TMEM132B: variants seen among roughly 807,000 people sequenced by gnomAD.
TMEM132B encodes transmembrane protein 132B.
Under a neutral mutation model 90.8 loss-of-function variants are expected in TMEM132B, and 18 were observed. The observed-to-expected ratio is 0.20, with a 90% CI of 0.14 to 0.29. The LOEUF (loss-of-function observed/expected upper bound fraction) is 0.29. Ranked by LOEUF, TMEM132B falls within the 10% of genes least tolerant of loss-of-function variation. The probability of loss-of-function intolerance (pLI) is 1.00; values close to 1 mark genes in which losing one functional copy is unlikely to be tolerated. For synonymous variants in TMEM132B, 504 were observed against 523.3 expected (o/e 0.96, Z 0.50); for missense variants, 1,096 against 1,326.8 (o/e 0.83, Z 2.70).
chr12:125,536,024 T>C (rs1883786765), intron 4 of TMEM132B, among the ~76,000 whole-genome samples: 1 of 152,184 alleles, frequency 6.6e-6, no homozygotes, highest in Non-Finnish European at 1.5e-5. Flanking sequence ...CAAGCCAGGA[T>C]TGCTTCTGCA....
intron 5 of TMEM132B, among the ~76,000 whole-genome samples, chr12:125,629,147 C>T (rs760243683): frequency 6.6e-6 from 1 of 151,798 alleles, no homozygotes; most frequent in Non-Finnish European, 1.5e-5. Context: ...TTTGTGGTTC[C>T]ATAGAAATTC....
chr12:125,502,572 G>A (rs1882729093), intron 3 of TMEM132B, among the ~76,000 whole-genome samples: 1 of 152,256 alleles, frequency 6.6e-6, no homozygotes, highest in Non-Finnish European at 1.5e-5. Context: ...AAGTGGAGCA[G>A]ATGTGCAGTA....
chr12:125,210,702 G>A (rs563289523), intron 1 of TMEM132B, among the ~76,000 whole-genome samples: 1 of 152,310 alleles, frequency 6.6e-6, no homozygotes, highest in Non-Finnish European at 1.5e-5. Flanking sequence ...GGTGGCTCAT[G>A]CCTGTAATTC....
At position 125,459,358 on chromosome 12, in the gene TMEM132B, C is replaced by T. The variant is rs896977130; in HGVS notation, c.1106+43681C>T. On this transcript the variant is annotated intron_variant, in intron 3 of 8. Transcript: ENST00000682704. The surrounding 1 kb of genome is among the most constrained non-coding windows in gnomAD (Gnocchi z 4.1). ...GTCTAGGGTCTTGCTGACGAGGGCACGTTTTCTAAAACTACCGAGAGAACT... is the reference window on the plus strand; with the variant it reads ...GTCTAGGGTCTTGCTGACGAGGGCATGTTTTCTAAAACTACCGAGAGAACT... 1.3e-5 allele frequency among the ~76,000 whole-genome samples: 2 copies of T among 152,070 alleles called. No individual in the cohort carries two copies. The highest frequency in any genetic ancestry group is 2.4e-5 in the African/African-American group (1 of 41,408).
chr12:125,306,305 C>T (rs1875968848), intron 1 of TMEM132B, among the ~76,000 whole-genome samples: 1 of 152,202 alleles, frequency 6.6e-6, no homozygotes, highest in South Asian at 2.1e-4. Flanking sequence ...GCTCTTGGAG[C>T]CTCAGGTTTT....
At chr12:125,530,842 C>T (rs1304977191) in intron 4 of TMEM132B, among the ~76,000 whole-genome samples, 2 of 152,184 alleles carry the variant, frequency 1.3e-5, no homozygotes, top group African/African-American at 2.4e-5. Context: ...TAATGATGTG[C>T]AAAAATTCTA....
chr12:125,380,093 A>G (rs1403080879), intron 2 of TMEM132B, among the ~76,000 whole-genome samples: 3 of 152,194 alleles, frequency 2.0e-5, no homozygotes, highest in Non-Finnish European at 4.4e-5. Flanking sequence ...GATGGCTTAA[A>G]ATCATAGGGC....
intron 3 of TMEM132B, among the ~76,000 whole-genome samples, chr12:125,475,801 C>A (rs1881860419): frequency 6.6e-6 from 1 of 152,206 alleles, no homozygotes; most frequent in African/African-American, 2.4e-5. Context: ...CTGACTAATA[C>A]AAGGCCAATT....
intron 3 of TMEM132B, among the ~76,000 whole-genome samples, chr12:125,420,306 T>G (rs1250438463): frequency 2.0e-5 from 3 of 152,244 alleles, no homozygotes. Context: ...CATCCAGGCA[T>G]TTCCATACAT....
At chr12:125,469,649 C>T (rs7315355) in intron 3 of TMEM132B, among the ~76,000 whole-genome samples, 18,243 of 152,160 alleles carry the variant, frequency 0.12, 1,175 homozygotes, top group African/African-American at 0.17. Context: ...GTTTCCAGCC[C>T]GGTGTCTTCT....
Position 125,207,737 on chromosome 12 carries a change from G to A in TMEM132B, c.67+20871G>A, listed in dbSNP as rs144319403. On this transcript the variant is annotated intron_variant, in intron 1 of 8. Transcript: ENST00000682704. ...CCATACCCATTAATCAGTAACTCCCGTTTCTCCCTTCTCCATTTCCCCAGG... is the reference window on the plus strand; with the variant it reads ...CCATACCCATTAATCAGTAACTCCCATTTCTCCCTTCTCCATTTCCCCAGG... 5.6e-4 allele frequency among the ~76,000 whole-genome samples: 85 copies of A among 152,156 alleles called. 2 individuals are homozygous for A. The East Asian group carries it at 7.3e-3, about 13-fold the overall frequency.
At position 125,445,495 on chromosome 12, in the gene TMEM132B, A is replaced by G. The variant is rs1302750440; in HGVS notation, c.1106+29818A>G. 6.6e-6 allele frequency among the ~76,000 whole-genome samples: 1 copy of G among 152,264 alleles called. No individual in the cohort carries two copies. The highest frequency in any genetic ancestry group is 2.4e-5 in the African/African-American group (1 of 41,472). On this transcript the variant is annotated intron_variant, in intron 3 of 8. Transcript: ENST00000682704. This position sits in a 1 kb window ranked among gnomAD's most constrained non-coding sequence, Gnocchi z 4.3. The stretch of plus-strand genomic sequence containing the variant: ...TACGGTATTTAAGCTTTGTCAGCAG[A>G]GGACACTGGAGGAACATGGTAGGAG...
chr12:125,361,708 T>C (rs2136251159), intron 2 of TMEM132B, among the ~76,000 whole-genome samples: 1 of 152,328 alleles, frequency 6.6e-6, no homozygotes, highest in South Asian at 2.1e-4. Context: ...GTTCCAAATG[T>C]TATCTGCTGC....
At position 125,525,181 on chromosome 12, in the gene TMEM132B, G is replaced by A. The variant is rs149993106; in HGVS notation, c.1293+5556G>A. 2.8e-3 allele frequency among the ~76,000 whole-genome samples: 419 copies of A among 152,246 alleles called. 1 individual carries two copies. Among genetic ancestry groups the A allele is most frequent in the African/African-American group, 8.7e-3 (360 of 41,538 alleles). ...TACTAGGCTAGGATGTCTGATCTTTGTTCTGGAGTTACCCTTTATTCATTG... is the reference window on the plus strand; with the variant it reads ...TACTAGGCTAGGATGTCTGATCTTTATTCTGGAGTTACCCTTTATTCATTG... On this transcript the variant is annotated intron_variant, in intron 4 of 8. Coordinates refer to ENST00000682704, the MANE Select transcript of TMEM132B (RefSeq NM_001366854.1).
At chr12:125,609,174 C>T (rs535172870) in intron 5 of TMEM132B, among the ~76,000 whole-genome samples, 36 of 152,214 alleles carry the variant, frequency 2.4e-4, no homozygotes, top group African/African-American at 8.2e-4. Context: ...GCCCTTGACT[C>T]GTGAGGATTA....
intron 2 of TMEM132B, among the ~76,000 whole-genome samples, chr12:125,399,634 C>T (rs753256132): frequency 4.6e-5 from 7 of 151,924 alleles, no homozygotes; most frequent in Non-Finnish European, 1.0e-4. Context: ...ACTGTGAGAG[C>T]GTAAGTTTCT....
Position 125,363,011 on chromosome 12 carries a change from T to G in TMEM132B, c.959+12668T>G, listed in dbSNP as rs181193975. On this transcript the variant is annotated intron_variant, in intron 2 of 8. Coordinates refer to ENST00000682704, the MANE Select transcript of TMEM132B (RefSeq NM_001366854.1). ...GTGGGCATTAGTTTGCCTCCAGTTT[T>G]TCACTGGCACCTCAAGCAGTGCTGC... is the stretch of plus-strand genomic sequence containing the variant. Among the ~76,000 whole-genome samples, 436 of 152,220 alleles carry G rather than the reference T, an allele frequency of 2.9e-3. 2 individuals are homozygous for G. The highest frequency in any genetic ancestry group is 0.01 in the African/African-American group (422 of 41,528).
chr12:125,563,147 GTAATAATAA>G (rs143547141), intron 4 of TMEM132B, among the ~76,000 whole-genome samples: 9,020 of 138,392 alleles, frequency 0.065, 393 homozygotes, highest in Non-Finnish European at 0.094. Context: ...ACCATAATGC[GTAATAATAA>G]TAATAATAAT....
At chr12:125,356,822 C>T (rs1877788789) in intron 2 of TMEM132B, among the ~76,000 whole-genome samples, 1 of 152,246 alleles carries the variant, frequency 6.6e-6, no homozygotes, top group Non-Finnish European at 1.5e-5. Context: ...TACCCAGGGC[C>T]TCTGCACCGG....
Sources: gnomAD v4.1 joint callset for allele counts (sites outside exome capture counted in the v4.1 genomes callset) on GRCh38, gnomAD v4.1.1 for gene constraint, Gnocchi (gnomAD v3.1) non-coding constraint, MANE v1.5 for transcripts, NCBI Gene and HGNC (gene_info 2026-07-23, HGNC 2026-07-21) for gene names.